PTPN22: variants seen among roughly 807,000 people sequenced by gnomAD.
The protein encoded by PTPN22 is protein tyrosine phosphatase non-receptor type 22.
A neutral mutation model predicts 103.3 loss-of-function variants in PTPN22; 85 were observed. The observed-to-expected ratio is 0.82, with a 90% CI of 0.69 to 0.99. PTPN22 has a LOEUF of 0.99. Ranked by LOEUF, PTPN22 falls within the 50% of genes least tolerant of loss-of-function variation. The probability of loss-of-function intolerance (pLI) is 0.00; values close to 1 mark genes in which losing one functional copy is unlikely to be tolerated. For missense variants in PTPN22, 865 were observed against 936.9 expected, an observed-to-expected ratio of 0.92 and a Z score of 1.00; for synonymous variants, 323 against 310.2, an observed-to-expected ratio of 1.04 and a Z score of -0.43.
At chr1:113,824,988 A>G (rs897434005) in intron 19 of PTPN22, among the ~76,000 whole-genome samples, 154 bp downstream of exon 19, 9 of 149,742 alleles carry the variant, frequency 6.0e-5, no homozygotes, top group Non-Finnish European at 1.0e-4. Context: ...AAAAAAAAAA[A>G]GGAGGCCTAT....
intron 1 of PTPN22, 36 bp downstream of exon 1, chr1:113,871,501 T>C (rs1327501610): frequency 6.3e-7 from 1 of 1,579,066 alleles, no homozygotes; most frequent in Non-Finnish European, 8.7e-7. Flanking sequence ...AAATAGTGTA[T>C]GTAACTACCC....
chr1:113,826,659 ATTTTTTTTTTTTT>A (rs10563752), intron 18 of PTPN22, among the ~76,000 whole-genome samples: 1 of 63,098 alleles, frequency 1.6e-5, no homozygotes, highest in African/African-American at 6.8e-5. Flanking sequence ...GGAGTCTCTA[ATTTTTTTTTTTTT>A]TTTTTTTTTT....
At position 113,834,304 on chromosome 1, in the gene PTPN22, T is replaced by C. The variant is rs1170275299; in HGVS notation, c.2025+5A>G. 6.2e-7 allele frequency: 1 copy of C among 1,612,942 alleles called. No individual in the cohort carries two copies. ...AATGAGTAGAGTCATTAAAAAATTA[T>C]TGACCTTGCTTGGTCTAAGTATCAC... On this transcript the variant is annotated splice_donor_5th_base_variant and intron_variant, in intron 15 of 20. Coordinates refer to ENST00000359785, the Ensembl canonical transcript of PTPN22.
chr1:113,841,185 T>C (rs1160088611), intron 11 of PTPN22, among the ~76,000 whole-genome samples: 1 of 151,138 alleles, frequency 6.6e-6, no homozygotes, highest in East Asian at 1.9e-4. Flanking sequence ...GATCACGCCA[T>C]TGCACTCCAC....
chr1:113,859,870 T>G (rs1464138343), intron 1 of PTPN22, among the ~76,000 whole-genome samples: 1 of 152,196 alleles, frequency 6.6e-6, no homozygotes. Flanking sequence ...TCAGATCGCT[T>G]TTTTTTCTAA....
At chr1:113,849,590 A>ATT (rs1277674450) in intron 10 of PTPN22, among the ~76,000 whole-genome samples, 2 of 76,672 alleles carry the variant, frequency 2.6e-5, no homozygotes, top group African/African-American at 9.5e-5. Flanking sequence ...TTATTTATTT[A>ATT]TTTATTTTTT....
intron 13 of PTPN22, among the ~76,000 whole-genome samples, chr1:113,835,664 A>G (rs1456491143): frequency 1.3e-5 from 2 of 152,206 alleles, no homozygotes; most frequent in Non-Finnish European, 2.9e-5. Flanking sequence ...TAGACTATAT[A>G]ATAAAACATT....
At chr1:113,858,230 G>C (rs1033442736) in intron 4 of PTPN22, among the ~76,000 whole-genome samples, 3 of 151,768 alleles carry the variant, frequency 2.0e-5, no homozygotes, top group African/African-American at 7.3e-5. Flanking sequence ...GCTAATTTTT[G>C]TATTTTTTGT....
chr1:113,822,488 C>T (rs1661695594), intron 19 of PTPN22, among the ~76,000 whole-genome samples: 1 of 152,190 alleles, frequency 6.6e-6, no homozygotes, highest in South Asian at 2.1e-4. Context: ...CTTCGCCTTA[C>T]TCCTGTCTCC....
exon 2 of PTPN22, chr1:113,859,364 C>T: frequency 6.2e-7 from 1 of 1,610,862 alleles, no homozygotes; most frequent in Non-Finnish European, 8.5e-7. Context: ...GGCAAAATAT[C>T]CTTATATCTG....
chr1:113,849,864 T>C (rs1223404685), intron 10 of PTPN22, among the ~76,000 whole-genome samples: 1 of 152,044 alleles, frequency 6.6e-6, no homozygotes, highest in East Asian at 1.9e-4. Flanking sequence ...GCGGAGATTA[T>C]AGGGGTGAGC....
At chr1:113,860,553 A>G (rs183082880) in intron 1 of PTPN22, among the ~76,000 whole-genome samples, 18 of 152,202 alleles carry the variant, frequency 1.2e-4, no homozygotes, top group African/African-American at 3.6e-4. Flanking sequence ...TTAACTTTGA[A>G]CCCCAAGAAG....
intron 19 of PTPN22, among the ~76,000 whole-genome samples, chr1:113,821,854 G>A (rs1217388): frequency 0.77 from 116,747 of 152,102 alleles, 45,736 homozygotes; most frequent in African/African-American, 0.9. Flanking sequence ...TGATTGGACA[G>A]TGTCCACATG....
intron 11 of PTPN22, among the ~76,000 whole-genome samples, chr1:113,842,942 C>A (rs1419749322): frequency 3.4e-5 from 5 of 147,368 alleles, no homozygotes; most frequent in South Asian, 4.4e-4. Flanking sequence ...TCTACTAAAA[C>A]TACAAAAAAT....
intron 19 of PTPN22, among the ~76,000 whole-genome samples, chr1:113,822,529 C>T (rs1661698208): frequency 6.6e-6 from 1 of 152,164 alleles, no homozygotes; most frequent in Non-Finnish European, 1.5e-5. Context: ...TCTAAGATGG[C>T]TTCCCTTTGA....
intron 18 of PTPN22, among the ~76,000 whole-genome samples, chr1:113,828,319 TCA>T (rs927164662): frequency 2.6e-5 from 4 of 152,192 alleles, no homozygotes; most frequent in African/African-American, 9.6e-5. Flanking sequence ...TAAAGGTCAT[TCA>T]CACTCCCAGG....
At chr1:113,864,715 A>G (rs1045643085) in intron 1 of PTPN22, among the ~76,000 whole-genome samples, 3 of 151,506 alleles carry the variant, frequency 2.0e-5, no homozygotes, top group African/African-American at 7.3e-5. Context: ...TCGAGAGACC[A>G]TCCTGGCTAA....
chr1:113,852,971 T>A (rs1328066443), intron 9 of PTPN22, among the ~76,000 whole-genome samples: 1 of 152,220 alleles, frequency 6.6e-6, no homozygotes, highest in Non-Finnish European at 1.5e-5. Flanking sequence ...GGACTTTCAC[T>A]CTTGCTGCCC....
At chr1:113,863,539 C>T (rs1385048339) in intron 1 of PTPN22, among the ~76,000 whole-genome samples, 1 of 152,134 alleles carries the variant, frequency 6.6e-6, no homozygotes, top group Non-Finnish European at 1.5e-5. Flanking sequence ...AAAAATTGCA[C>T]CTTAATGTGC....
Sources: gnomAD v4.1 joint callset for allele counts (sites outside exome capture counted in the v4.1 genomes callset) on GRCh38, gnomAD v4.1.1 for gene constraint, MANE v1.5 for transcripts, NCBI Gene and HGNC (gene_info 2026-07-23, HGNC 2026-07-21) for gene names.